Variants in GPC5 observed in about 807,000 individuals in gnomAD.
GPC5 encodes the protein glypican 5, also known as glypican-5.
In GPC5, 47 loss-of-function variants were observed where a neutral mutation model predicts 53.9. That is an observed-to-expected ratio of 0.87 (90% CI 0.69 to 1.11). The LOEUF is 1.11. GPC5 is among the 50% of genes most tolerant of loss of function. GPC5 has a pLI of 0.00. For missense variants in GPC5, 748 were observed against 713.1 expected (o/e 1.05, Z -0.56); for synonymous variants, 286 against 263.3 (o/e 1.09, Z -0.84).
chr13:92,751,138 C>T (rs981936588), intron 7 of GPC5, among the ~76,000 whole-genome samples: 1 of 151,434 alleles, frequency 6.6e-6, no homozygotes, highest in Non-Finnish European at 1.5e-5. Context: ...ATTAGAAGTC[C>T]AATTTAAGAT....
intron 7 of GPC5, among the ~76,000 whole-genome samples, chr13:92,233,358 T>C (rs2042545218): frequency 1.3e-5 from 2 of 152,222 alleles, no homozygotes; most frequent in Admixed American, 1.3e-4. Flanking sequence ...ATTTGAAATA[T>C]CTGTGTATTG....
chr13:91,855,019 G>A (rs1417697319), intron 5 of GPC5, among the ~76,000 whole-genome samples: 4 of 151,564 alleles, frequency 2.6e-5, no homozygotes, highest in East Asian at 3.9e-4. Context: ...TAGCAATCTC[G>A]TTGCATATAC....
chr13:92,582,960 C>T (rs1425511688), intron 7 of GPC5, among the ~76,000 whole-genome samples: 1 of 152,094 alleles, frequency 6.6e-6, no homozygotes, highest in Non-Finnish European at 1.5e-5. Context: ...TATTTTCCTT[C>T]CTATTTGGAC....
At chr13:91,768,878 G>A (rs1484370410) in intron 5 of GPC5, among the ~76,000 whole-genome samples, 1 of 152,138 alleles carries the variant, frequency 6.6e-6, no homozygotes, top group Non-Finnish European at 1.5e-5. Flanking sequence ...TTCTACAGAG[G>A]TAAGTACTCA....
intron 7 of GPC5, among the ~76,000 whole-genome samples, chr13:92,438,390 AT>A (rs1300627301): frequency 3.9e-5 from 4 of 102,552 alleles, no homozygotes; most frequent in Non-Finnish European, 6.0e-5. Flanking sequence ...ATAAATATAT[AT>A]ATATATATAT....
At chr13:91,896,614 G>A (rs2138978494) in intron 5 of GPC5, among the ~76,000 whole-genome samples, 2 of 152,254 alleles carry the variant, frequency 1.3e-5, no homozygotes, top group South Asian at 4.2e-4. Flanking sequence ...ATGAAGGGGA[G>A]ATTGGCCAAA....
chr13:91,654,168 T>C (rs1330769024), intron 2 of GPC5, among the ~76,000 whole-genome samples: 1 of 152,166 alleles, frequency 6.6e-6, no homozygotes, highest in African/African-American at 2.4e-5. Flanking sequence ...TGGTTCCATA[T>C]CGGTGAATTC....
chr13:91,479,577 G>GT lies in GPC5; in HGVS notation c.325+30663dup, dbSNP rs146877237. ...TCCCCAAGAATATAGTCTACTTAAA[G>GT]TTTTTTTTGTGAATAGCTACATATA... On this transcript the variant is annotated intron_variant, in intron 2 of 7. Coordinates refer to ENST00000377067, the MANE Select transcript of GPC5 (RefSeq NM_004466.6). Among the ~76,000 whole-genome samples the GT allele has an allele frequency of 9.6e-3, 1,454 of 152,022 alleles. 22 individuals carry two copies. The highest frequency in any genetic ancestry group is 0.03 in the African/African-American group (1,247 of 41,500).
intron 2 of GPC5, among the ~76,000 whole-genome samples, chr13:91,492,287 A>G (rs1378503275): frequency 6.6e-6 from 1 of 152,226 alleles, no homozygotes; most frequent in South Asian, 2.1e-4. Context: ...ATATATATAC[A>G]TAGCTGTATA....
At chr13:92,525,214 T>G (rs547717672) in intron 7 of GPC5, among the ~76,000 whole-genome samples, 2 of 152,166 alleles carry the variant, frequency 1.3e-5, no homozygotes, top group Non-Finnish European at 2.9e-5. Context: ...TGCTAATTAT[T>G]TATGAATTTC....
intron 5 of GPC5, among the ~76,000 whole-genome samples, chr13:91,769,191 C>T (rs2037578012): frequency 6.6e-6 from 1 of 152,124 alleles, no homozygotes; most frequent in Non-Finnish European, 1.5e-5. Flanking sequence ...ATTCCATCCT[C>T]TTCTGGGGAC....
rs139595105 is a variant in GPC5 at position 91,448,633 on chromosome 13, A to C, written c.164-128A>C. The C allele has an allele frequency of 1.7e-3, 1,429 of 839,322 alleles. 15 individuals carry two copies. The African/African-American group carries it at 0.022, about 13-fold the overall frequency. The allele number at this position is 839,322 out of a possible 1,614,324, so 52.0% of individuals were successfully genotyped here. A position where few individuals can be genotyped will look rare whatever the true frequency, so the allele number is the denominator to read the frequency against. On this transcript the variant is annotated intron_variant, in intron 1 of 7. Coordinates refer to ENST00000377067, the MANE Select transcript of GPC5 (RefSeq NM_004466.6). ...AGCAATAGATAAACTTTCTTATAGCAAGTACTCTAGCAAATCCATTCCTCA... is the reference window on the plus strand; with the variant it reads ...AGCAATAGATAAACTTTCTTATAGCCAGTACTCTAGCAAATCCATTCCTCA...
chr13:92,596,071 G>A (rs1258363966), intron 7 of GPC5, among the ~76,000 whole-genome samples: 2 of 152,136 alleles, frequency 1.3e-5, no homozygotes, highest in Admixed American at 6.5e-5. Flanking sequence ...AGATAGAGAT[G>A]TTTGAGTACC....
At chr13:91,922,981 G>T (rs1011395339) in intron 6 of GPC5, among the ~76,000 whole-genome samples, 2 of 152,106 alleles carry the variant, frequency 1.3e-5, no homozygotes, top group African/African-American at 2.4e-5. Flanking sequence ...GGATCGTAAG[G>T]TCATAGTAGT....
At chr13:92,175,393 C>CT (rs1386947834) in intron 7 of GPC5, among the ~76,000 whole-genome samples, 1 of 152,106 alleles carries the variant, frequency 6.6e-6, no homozygotes, top group Non-Finnish European at 1.5e-5. Flanking sequence ...GTGTTTGCTT[C>CT]TTTTCTGATT....
chr13:91,458,572 G>T (rs1395303717), intron 2 of GPC5, among the ~76,000 whole-genome samples: 2 of 152,042 alleles, frequency 1.3e-5, no homozygotes, highest in Non-Finnish European at 2.9e-5. Flanking sequence ...ACTCCTGCAA[G>T]AATGGCGATA....
chr13:92,838,741 AG>A (rs967001798), intron 7 of GPC5, among the ~76,000 whole-genome samples: 1 of 152,176 alleles, frequency 6.6e-6, no homozygotes, highest in Non-Finnish European at 1.5e-5. Flanking sequence ...ATATATAAAA[AG>A]ATAGGGAATT....
chr13:91,810,612 C>A (rs1401932294), intron 5 of GPC5, among the ~76,000 whole-genome samples: 2 of 151,888 alleles, frequency 1.3e-5, no homozygotes, highest in Non-Finnish European at 2.9e-5. Context: ...GAGTAAAAAT[C>A]TGTTGAAATA....
chr13:91,765,292 C>A (rs1326059474), intron 5 of GPC5, among the ~76,000 whole-genome samples: 1 of 152,256 alleles, frequency 6.6e-6, no homozygotes, highest in Non-Finnish European at 1.5e-5. Context: ...TTTCTTCAAA[C>A]AAGTTCCCTG....
Sources: allele counts gnomAD v4.1 joint callset (sites outside exome capture counted in the v4.1 genomes callset), GRCh38; gene constraint gnomAD v4.1.1; transcripts MANE v1.5; gene names NCBI Gene and HGNC (gene_info 2026-07-23, HGNC 2026-07-21).